The following PEX7 variants were observed in gnomAD, a reference collection of about 807,000 sequenced individuals.
PEX7 encodes the protein PTS2 receptor.
A neutral mutation model predicts 47.5 loss-of-function variants in PEX7; 34 were observed. The observed-to-expected ratio is 0.72, with a 90% CI of 0.54 to 0.95. The LOEUF (loss-of-function observed/expected upper bound fraction) is 0.95, where lower values mean the gene tolerates loss of function less well. Ranked by LOEUF, PEX7 falls within the 40% of genes least tolerant of loss-of-function variation. The probability of loss-of-function intolerance (pLI) is 0.00; values close to 1 mark genes in which losing one functional copy is unlikely to be tolerated. For missense variants in PEX7, 394 were observed against 400.3 expected, an observed-to-expected ratio of 0.98 and a Z score of 0.13; for synonymous variants, 141 against 148.8, an observed-to-expected ratio of 0.95 and a Z score of 0.38.
At chr6:136,895,362 C>G (rs1775630420) in intron 8 of PEX7, among the ~76,000 whole-genome samples, 1 of 152,052 alleles carries the variant, frequency 6.6e-6, no homozygotes, top group Non-Finnish European at 1.5e-5. Flanking sequence ...CTGTATTTAA[C>G]AATATTTTTG....
At chr6:136,832,445 T>A (rs1365712962) in intron 3 of PEX7, among the ~76,000 whole-genome samples, 1 of 152,254 alleles carries the variant, frequency 6.6e-6, no homozygotes, top group Non-Finnish European at 1.5e-5. Flanking sequence ...CTTGGATACA[T>A]TTTTCCCATT....
intron 5 of PEX7, among the ~76,000 whole-genome samples, chr6:136,848,557 G>A (rs1226519565): frequency 6.6e-6 from 1 of 152,040 alleles, no homozygotes; most frequent in African/African-American, 2.4e-5. Context: ...TTTTTAGCAC[G>A]AAGGGCTGTT....
At chr6:136,844,718 A>G (rs1019890566) in intron 3 of PEX7, among the ~76,000 whole-genome samples, 1 of 151,880 alleles carries the variant, frequency 6.6e-6, no homozygotes, top group Non-Finnish European at 1.5e-5. Context: ...TGACTTTTTT[A>G]GATTCCACCT....
chr6:136,872,132 TAGA>T, intron 7 of PEX7, 63 bp from the exon 8 acceptor site: 1 of 1,285,424 alleles, frequency 7.8e-7, no homozygotes, highest in Non-Finnish European at 1.1e-6. Flanking sequence ...GGAATGATCA[TAGA>T]AAGCAGTGTT....
intron 3 of PEX7, among the ~76,000 whole-genome samples, chr6:136,834,386 T>G (rs548752033): frequency 6.6e-6 from 1 of 152,302 alleles, no homozygotes; most frequent in Non-Finnish European, 1.5e-5. Flanking sequence ...CTGGCTAATT[T>G]TTGAATTTTT....
intron 8 of PEX7, among the ~76,000 whole-genome samples, chr6:136,893,845 C>G (rs958131903): frequency 1.3e-5 from 2 of 152,178 alleles, no homozygotes; most frequent in Non-Finnish European, 1.5e-5. Context: ...TAATTCATGA[C>G]TAACTCATAA....
chr6:136,886,810 T>C (rs1775474426), intron 8 of PEX7, among the ~76,000 whole-genome samples: 1 of 152,104 alleles, frequency 6.6e-6, no homozygotes, highest in East Asian at 1.9e-4. Flanking sequence ...CCTAGCACTT[T>C]GGGAGGCCAA....
intron 9 of PEX7, among the ~76,000 whole-genome samples, chr6:136,908,389 G>T (rs6926680): frequency 1.3e-5 from 2 of 152,200 alleles, no homozygotes; most frequent in African/African-American, 4.8e-5. Flanking sequence ...AATAAGATTG[G>T]TTCTCTCTTC....
chr6:136,854,265 C>T (rs1013067985), intron 5 of PEX7, among the ~76,000 whole-genome samples: 16 of 152,076 alleles, frequency 1.1e-4, no homozygotes, highest in African/African-American at 3.4e-4. Flanking sequence ...GGTACAATCT[C>T]GGCTCACTGC....
At chr6:136,878,236 C>T (rs1288650012) in intron 8 of PEX7, among the ~76,000 whole-genome samples, 1 of 152,212 alleles carries the variant, frequency 6.6e-6, no homozygotes, top group Non-Finnish European at 1.5e-5. Context: ...AGTATACAAT[C>T]ATGTCATCTG....
intron 1 of PEX7, 77 bp from the exon 2 acceptor site, chr6:136,825,137 A>G: frequency 8.3e-7 from 1 of 1,202,116 alleles, no homozygotes; most frequent in Non-Finnish European, 1.2e-6. Flanking sequence ...TCAGGTATCA[A>G]TTACTTGATA....
At chr6:136,836,256 A>G (rs1774382854) in intron 3 of PEX7, among the ~76,000 whole-genome samples, 1 of 152,006 alleles carries the variant, frequency 6.6e-6, no homozygotes, top group South Asian at 2.1e-4. Flanking sequence ...AAGCATATAT[A>G]TTTAACTATA....
At chr6:136,827,837 T>A (rs961718583) in intron 3 of PEX7, among the ~76,000 whole-genome samples, 5 of 150,452 alleles carry the variant, frequency 3.3e-5, no homozygotes, top group Non-Finnish European at 5.9e-5. Flanking sequence ...CAGCCAATTT[T>A]TGTGTGTGTG....
At chr6:136,861,292 A>G (rs1774959758) in intron 5 of PEX7, among the ~76,000 whole-genome samples, 1 of 152,088 alleles carries the variant, frequency 6.6e-6, no homozygotes, top group Non-Finnish European at 1.5e-5. Flanking sequence ...ACGGTTGCCC[A>G]GGCTGGTCTG....
At chr6:136,834,201 T>A (rs960869216) in intron 3 of PEX7, among the ~76,000 whole-genome samples, 2 of 152,118 alleles carry the variant, frequency 1.3e-5, no homozygotes, top group Non-Finnish European at 2.9e-5. Context: ...TTTTGTTTTG[T>A]TTTTATCTTG....
chr6:136,880,831 C>T (rs1404182132), intron 8 of PEX7, among the ~76,000 whole-genome samples: 2 of 152,166 alleles, frequency 1.3e-5, no homozygotes, highest in Non-Finnish European at 2.9e-5. Flanking sequence ...CATGCCTTAA[C>T]TTGGTTTTCT....
At chr6:136,839,558 T>C (rs1326687956) in intron 3 of PEX7, among the ~76,000 whole-genome samples, 1 of 152,176 alleles carries the variant, frequency 6.6e-6, no homozygotes, top group Non-Finnish European at 1.5e-5. Context: ...TTTAATCAGA[T>C]AGGCCTCTAG....
chr6:136,846,123 T>C lies in PEX7; in HGVS notation c.468T>C (p.Ser156=). 6.2e-7 allele frequency: 1 copy of C among 1,613,736 alleles called. No individual in the cohort carries two copies. The change falls in exon 5 of 10, where the codon AGT becomes AGC. Residue 156 remains serine, a synonymous_variant. Coordinates refer to ENST00000318471, the MANE Select transcript of PEX7 (RefSeq NM_000288.4). The stretch of plus-strand genomic sequence containing the variant: ...TGTGCACCTTTAGAGGCCATGAAAG[T>C]ATTATTTATAGCACAATCTGGTCTC... The part of the protein sequence containing the change: ...KSLCTFRGHE[S]IIYSTIWSPH...
chr6:136,905,487 T>C (rs1775831208), intron 9 of PEX7, among the ~76,000 whole-genome samples: 1 of 152,214 alleles, frequency 6.6e-6, no homozygotes, highest in South Asian at 2.1e-4. Flanking sequence ...CAATTGAAGT[T>C]AAGCCCAAAA....
Sources: gnomAD v4.1 joint callset for allele counts (sites outside exome capture counted in the v4.1 genomes callset) on GRCh38, gnomAD v4.1.1 for gene constraint, MANE v1.5 for transcripts, NCBI Gene and HGNC (gene_info 2026-07-23, HGNC 2026-07-21) for gene names.